The following LRRN2 variants were observed in gnomAD, a reference collection of about 807,000 sequenced individuals.
LRRN2 encodes the protein leucine-rich repeat neuronal protein 2.
LRRN2 carries 10 observed loss-of-function variants against 35.7 expected under a neutral mutation model. The observed-to-expected ratio is 0.28, with a 90% CI of 0.17 to 0.47. The LOEUF is 0.47. Among genes scored for constraint, LRRN2 ranks in the 20% least tolerant of loss-of-function variants. LRRN2 has a pLI of 0.99. For missense variants in LRRN2, 731 were observed against 940.3 expected (o/e 0.78, Z 2.91); for synonymous variants, 391 against 409.6 (o/e 0.95, Z 0.55).
chr1:204,625,996 C>T (rs908414827), intron 1 of LRRN2, among the ~76,000 whole-genome samples: 1 of 152,196 alleles, frequency 6.6e-6, no homozygotes, highest in African/African-American at 2.4e-5. Flanking sequence ...CTCCTGGCCC[C>T]CGTGCCCTCT....
chr1:204,635,001 A>G (rs1667798367), intron 1 of LRRN2, among the ~76,000 whole-genome samples: 1 of 152,206 alleles, frequency 6.6e-6, no homozygotes, highest in Admixed American at 6.5e-5. Context: ...TGCTATACAG[A>G]TATGACCTAG....
intron 1 of LRRN2, among the ~76,000 whole-genome samples, chr1:204,648,184 A>G (rs1031269949): frequency 1.3e-5 from 2 of 152,170 alleles, no homozygotes; most frequent in African/African-American, 4.8e-5. Flanking sequence ...TGGGGTTGGC[A>G]GCATGTGTGG....
At chr1:204,651,490 T>G (rs542232039) in intron 1 of LRRN2, among the ~76,000 whole-genome samples, 1 of 152,268 alleles carries the variant, frequency 6.6e-6, no homozygotes, top group Admixed American at 6.5e-5. Flanking sequence ...TGGTGCTGTG[T>G]TAACTTGGGT....
intron 1 of LRRN2, among the ~76,000 whole-genome samples, chr1:204,643,528 G>T (rs1291589436): frequency 6.6e-6 from 1 of 152,098 alleles, no homozygotes; most frequent in African/African-American, 2.4e-5. Context: ...TTGAGGCCTG[G>T]ATTCCACCCA....
At chr1:204,659,298 A>G (rs915931244) in intron 1 of LRRN2, among the ~76,000 whole-genome samples, 2 of 152,196 alleles carry the variant, frequency 1.3e-5, no homozygotes, top group African/African-American at 2.4e-5. Flanking sequence ...AACATCCACA[A>G]TGGTGCAATG....
chr1:204,646,311 T>G (rs1405363815), intron 1 of LRRN2, among the ~76,000 whole-genome samples: 1 of 152,084 alleles, frequency 6.6e-6, no homozygotes, highest in Non-Finnish European at 1.5e-5. Flanking sequence ...CATGCTTTCT[T>G]GGGGTAGGCT....
At chr1:204,662,189 G>A (rs1033997320) in intron 1 of LRRN2, among the ~76,000 whole-genome samples, 1 of 152,184 alleles carries the variant, frequency 6.6e-6, no homozygotes, top group Non-Finnish European at 1.5e-5. Flanking sequence ...AGACAACGTG[G>A]CACTTCCATA....
At position 204,618,883 on chromosome 1, in the gene LRRN2, G is replaced by T. The variant is rs759418264; in HGVS notation, c.1110C>A (p.Pro370=). The T allele has an allele frequency of 1.2e-6, 2 of 1,614,066 alleles. No individual in the cohort carries two copies. The highest frequency in any genetic ancestry group is 1.7e-6 in the Non-Finnish European group (2 of 1,180,044). Residue 370 remains proline (P), a synonymous_variant, in exon 2 of 2, where the codon CCC becomes CCA. Coordinates refer to ENST00000367177, the MANE Select transcript of LRRN2 (RefSeq NM_201630.2). ...AGCGGATGACACAGTCACAGCGGAT[G>T]GGGTTGCCGTGGAGACCTACCTCCT... ...NLQEVGLHGN[P]IRCDCVIRWA...
Position 204,619,130 on chromosome 1 carries a change from T to G in LRRN2, c.863A>C (p.Lys288Thr). The change falls in exon 2 of 2, where the codon AAG becomes ACG. Residue 288 changes from lysine (K) to threonine (T), a missense_variant. Physicochemically the swap from Lys to Thr is moderately conservative, Grantham distance 78 (BLOSUM62 -1). This residue lies in a region of LRRN2 where 256 missense variants were observed against 392.4 expected (regional missense o/e 0.65). Transcript: ENST00000367177. The part of the protein sequence containing the change: ...PGDFANMLHL[K>T]ELGLNNMEEL... The stretch of plus-strand genomic sequence containing the variant: ...CTCCATGTTGTTCAGTCCCAGCTCC[T>G]TAAGGTGCAGCATGTTGGCAAAGTC... 1.2e-6 allele frequency: 2 copies of G among 1,613,558 alleles called. No individual in the cohort carries two copies. Among genetic ancestry groups the G allele is most frequent in the Non-Finnish European group, 1.7e-6 (2 of 1,179,816 alleles).
chr1:204,668,780 C>G (rs988295802), intron 1 of LRRN2, among the ~76,000 whole-genome samples: 10 of 152,134 alleles, frequency 6.6e-5, no homozygotes, highest in African/African-American at 2.4e-4. Context: ...AGAAAAAAAT[C>G]GAACACGATA....
chr1:204,671,403 T>TGTGTGTGTGTGTGTGTG (rs1553350489), intron 1 of LRRN2, among the ~76,000 whole-genome samples: 4 of 122,990 alleles, frequency 3.3e-5, no homozygotes, highest in East Asian at 2.7e-4. Flanking sequence ...GTTTGTGTGT[T>TGTGTGTGTGTGTGTGTG]TGTGTGTGTG....
intron 1 of LRRN2, among the ~76,000 whole-genome samples, chr1:204,654,335 A>G (rs1357305601): frequency 1.3e-5 from 2 of 152,214 alleles, no homozygotes; most frequent in Non-Finnish European, 2.9e-5. Flanking sequence ...TATGGGTTTG[A>G]ATACTGTAGA....
At chr1:204,627,799 G>A (rs986303532) in intron 1 of LRRN2, among the ~76,000 whole-genome samples, 3 of 152,188 alleles carry the variant, frequency 2.0e-5, no homozygotes, top group African/African-American at 7.2e-5. Flanking sequence ...ATGCCCTAGT[G>A]TGCCTCCATC....
chr1:204,660,772 G>C (rs945985127), intron 1 of LRRN2, among the ~76,000 whole-genome samples: 3 of 152,170 alleles, frequency 2.0e-5, no homozygotes, highest in African/African-American at 4.8e-5. Context: ...TGAGAAGCAG[G>C]CTTGTTCTGT....
intron 1 of LRRN2, among the ~76,000 whole-genome samples, chr1:204,633,851 A>G (rs142704880): frequency 6.6e-6 from 1 of 152,342 alleles, no homozygotes; most frequent in East Asian, 1.9e-4. Flanking sequence ...ACCCAAGAGA[A>G]AGAAACTGGC....
At position 204,617,538 on chromosome 1, in the gene LRRN2, A is replaced by T. The variant is rs1666424998; in HGVS notation, c.*313T>A. 2 of 371,658 alleles carry T rather than the reference A, an allele frequency of 5.4e-6. No individual in the cohort carries two copies. Among genetic ancestry groups the T allele is most frequent in the East Asian group, 6.4e-5 (1 of 15,720 alleles). The allele number at this position is 371,658 out of a possible 1,614,324, so 23.0% of individuals were successfully genotyped here. ...CAGCCCGGGGACACAGGTAGGGGAC[A>T]GCCAAGCCAGGCCCAGGAGCCTCTG... On this transcript the variant is annotated 3_prime_UTR_variant, in exon 2 of 2. Transcript: ENST00000367177.
intron 1 of LRRN2, among the ~76,000 whole-genome samples, chr1:204,677,965 G>A (rs1373702988): frequency 6.6e-6 from 1 of 152,018 alleles, no homozygotes; most frequent in African/African-American, 2.4e-5. Flanking sequence ...CTCCCCTCCA[G>A]CAGCACCACC....
At chr1:204,625,395 A>G (rs1344082019) in intron 1 of LRRN2, among the ~76,000 whole-genome samples, 1 of 152,220 alleles carries the variant, frequency 6.6e-6, no homozygotes, top group Non-Finnish European at 1.5e-5. Context: ...GGTTTTGGCC[A>G]TGAATTTTAA....
Position 204,618,700 on chromosome 1 carries a change from T to TG in LRRN2, c.1292dup (p.Ser432LysfsTer75), listed in dbSNP as rs1186903618. On this transcript the variant is annotated frameshift_variant, in exon 2 of 2. Transcript: ENST00000367177. LOFTEE classifies it high-confidence loss of function. ...TCTCTCCACTGGCTACCTGGAGGCT[T>TG]GGGGGGAAGCTTCGTGGGGAGATGA... 2 of 1,599,314 alleles carry TG rather than the reference T, an allele frequency of 1.3e-6. No homozygotes were observed. The highest frequency in any genetic ancestry group is 8.5e-7 in the Non-Finnish European group (1 of 1,171,298).
Sources: gnomAD v4.1 joint callset for allele counts (sites outside exome capture counted in the v4.1 genomes callset) on GRCh38, gnomAD v4.1.1 for gene constraint, gnomAD v4.1.1 regional missense constraint, MANE v1.5 for transcripts, NCBI Gene and HGNC (gene_info 2026-07-23, HGNC 2026-07-21) for gene names.